Variants in IGSF21 observed in about 807,000 individuals in gnomAD.
IGSF21 encodes the protein immunoglobulin superfamily member 21.
Under a neutral mutation model 46.8 loss-of-function variants are expected in IGSF21, and 28 were observed. That is an observed-to-expected ratio of 0.60 (90% CI 0.44 to 0.82). The LOEUF (loss-of-function observed/expected upper bound fraction) is 0.82, where lower values mean the gene tolerates loss of function less well. IGSF21 is among the 40% of genes least tolerant of loss of function. The pLI, the probability that IGSF21 is intolerant of heterozygous loss-of-function variation, is 0.00. For missense variants in IGSF21, 624 were observed against 665.5 expected (o/e 0.94, Z 0.69); for synonymous variants, 284 against 273.6 (o/e 1.04, Z -0.38).
In IGSF21 at chr1:18,362,185, C is replaced by A. The variant is rs746416083; in HGVS notation, c.495C>A (p.Asn165Lys). Residue 165 changes from asparagine to lysine, a missense_variant, in exon 5 of 10, where the codon AAC becomes AAA. Transcript: ENST00000251296. ...CCTTCAGCCGCTACCAAGCCCAGAACTTCACGCTGGTCTGCATCGTGTCTG... is the reference window on the plus strand; with the variant it reads ...CCTTCAGCCGCTACCAAGCCCAGAAATTCACGCTGGTCTGCATCGTGTCTG... ...PAPFSRYQAQ[N>K]FTLVCIVSGG... is the part of the protein sequence containing the mutation. 1.7e-5 allele frequency: 27 copies of A among 1,613,382 alleles called. No homozygotes were observed. Among genetic ancestry groups the A allele is most frequent in the Non-Finnish European group, 2.1e-5 (25 of 1,179,772 alleles).
At chr1:18,156,376 G>A (rs1028984204) in intron 1 of IGSF21, among the ~76,000 whole-genome samples, 6 of 152,170 alleles carry the variant, frequency 3.9e-5, no homozygotes, top group South Asian at 2.1e-4. Context: ...CCCACTCTGC[G>A]TCTCCTCCTC....
intron 1 of IGSF21, among the ~76,000 whole-genome samples, chr1:18,152,641 T>G (rs1170310566): frequency 6.6e-6 from 1 of 152,140 alleles, no homozygotes; most frequent in Non-Finnish European, 1.5e-5. Flanking sequence ...AATCATGATT[T>G]CTCTTATTTA....
At chr1:18,330,325 G>T (rs548812884) in intron 3 of IGSF21, among the ~76,000 whole-genome samples, 5 of 152,360 alleles carry the variant, frequency 3.3e-5, no homozygotes, top group East Asian at 1.9e-4. Flanking sequence ...GGTTGGAAGT[G>T]GGGGGATCCT....
chr1:18,234,637 A>G (rs1257691940), intron 2 of IGSF21, among the ~76,000 whole-genome samples: 1 of 152,186 alleles, frequency 6.6e-6, no homozygotes, highest in Non-Finnish European at 1.5e-5. Flanking sequence ...ACATGGTGGC[A>G]GGGAGAAGTG....
chr1:18,348,121 A>G (rs1230881434), intron 4 of IGSF21, among the ~76,000 whole-genome samples: 1 of 152,234 alleles, frequency 6.6e-6, no homozygotes, highest in African/African-American at 2.4e-5. Context: ...TTAATAAATG[A>G]AGAAATTGAG....
At chr1:18,260,341 G>T (rs992676355) in intron 2 of IGSF21, among the ~76,000 whole-genome samples, 1 of 152,252 alleles carries the variant, frequency 6.6e-6, no homozygotes, top group Non-Finnish European at 1.5e-5. Context: ...GTGCTGCAGG[G>T]TGGGGGAGCC....
rs186245942 is a variant in IGSF21 at position 18,287,558 on chromosome 1, G to A, written c.184-4308G>A. On this transcript the variant is annotated intron_variant, in intron 2 of 9. Transcript: ENST00000251296. ...TCATTTCAGAAGTGCCTCTCGCTCT[G>A]GGGCCAGGCAAACCCACACATCCAC... Among the ~76,000 whole-genome samples, 8 of 152,282 alleles carry A rather than the reference G, an allele frequency of 5.3e-5. No individual in the cohort carries two copies. The East Asian group carries it at 1.2e-3, about 22-fold the overall frequency.
chr1:18,141,079 C>G (rs894142938), intron 1 of IGSF21, among the ~76,000 whole-genome samples: 1 of 152,220 alleles, frequency 6.6e-6, no homozygotes, highest in African/African-American at 2.4e-5. Context: ...AACCTTTTCT[C>G]TTTCCTCACC....
intron 1 of IGSF21, among the ~76,000 whole-genome samples, chr1:18,194,006 G>C (rs1250797161): frequency 1.3e-5 from 2 of 152,174 alleles, no homozygotes; most frequent in Non-Finnish European, 2.9e-5. Flanking sequence ...CTGTGACCTG[G>C]AGATTCTGTG....
chr1:18,363,897 C>A (rs914591417), intron 5 of IGSF21, among the ~76,000 whole-genome samples: 2 of 152,098 alleles, frequency 1.3e-5, no homozygotes, highest in African/African-American at 2.4e-5. Context: ...AGGAAGTGGA[C>A]CCAAAAAGGT....
At chr1:18,216,389 A>G (rs906879638) in intron 1 of IGSF21, among the ~76,000 whole-genome samples, 1 of 152,162 alleles carries the variant, frequency 6.6e-6, no homozygotes, top group Non-Finnish European at 1.5e-5. Context: ...CCTGAATTGG[A>G]AGGCAATGGG....
chr1:18,257,440 T>A (rs927871917), intron 2 of IGSF21, among the ~76,000 whole-genome samples: 4 of 152,162 alleles, frequency 2.6e-5, no homozygotes, highest in African/African-American at 9.7e-5. Flanking sequence ...GTCATCTAAT[T>A]TTTTTCCCCA....
At chr1:18,360,728 G>GAA (rs1244709103) in intron 4 of IGSF21, among the ~76,000 whole-genome samples, 1 of 152,178 alleles carries the variant, frequency 6.6e-6, no homozygotes, top group Non-Finnish European at 1.5e-5. Context: ...GGAGGTTAGG[G>GAA]AAATAATAGC....
intron 1 of IGSF21, chr1:18,176,085 T>G (rs887425313): frequency 2.0e-5 from 3 of 152,104 alleles, no homozygotes; most frequent in African/African-American, 7.2e-5. Flanking sequence ...CAGAATGAGG[T>G]TCAGAGATGT....
At chr1:18,357,463 T>C (rs61760829) in intron 4 of IGSF21, among the ~76,000 whole-genome samples, 17 of 33,154 alleles carry the variant, frequency 5.1e-4, no homozygotes, top group Admixed American at 4.9e-3. Flanking sequence ...GGGATGGGAA[T>C]GGAGATGGGG....
At chr1:18,140,983 C>A (rs1385940201) in intron 1 of IGSF21, among the ~76,000 whole-genome samples, 2 of 152,202 alleles carry the variant, frequency 1.3e-5, no homozygotes, top group Non-Finnish European at 2.9e-5. Flanking sequence ...CACACAGGAA[C>A]CCAGCAAACG....
At chr1:18,185,738 T>C (rs571157142) in intron 1 of IGSF21, among the ~76,000 whole-genome samples, 27 of 152,286 alleles carry the variant, frequency 1.8e-4, no homozygotes, top group African/African-American at 6.0e-4. Flanking sequence ...ACAGGGATGA[T>C]AATAATAGCA....
intron 1 of IGSF21, among the ~76,000 whole-genome samples, chr1:18,222,129 T>C (rs1370483893): frequency 6.6e-6 from 1 of 152,146 alleles, no homozygotes; most frequent in Admixed American, 6.5e-5. Context: ...CAGCTGTGCC[T>C]CCTCATTCCC....
chr1:18,147,130 G>A (rs530252802), intron 1 of IGSF21, among the ~76,000 whole-genome samples: 3 of 152,208 alleles, frequency 2.0e-5, no homozygotes, highest in African/African-American at 7.2e-5. Context: ...CTGGTCTTGC[G>A]GCTGCCACCC....
Sources: allele counts gnomAD v4.1 joint callset (sites outside exome capture counted in the v4.1 genomes callset), GRCh38; gene constraint gnomAD v4.1.1; transcripts MANE v1.5; gene names NCBI Gene and HGNC (gene_info 2026-07-23, HGNC 2026-07-21).